DYNC2H1: variants seen among roughly 807,000 people sequenced by gnomAD.
The protein encoded by DYNC2H1 is cytoplasmic dynein 2 heavy chain 1.
In DYNC2H1, 410 loss-of-function variants were observed where a neutral mutation model predicts 570.0. The ratio of observed to expected loss-of-function variants is 0.72; its 90% CI spans 0.66 to 0.78. DYNC2H1 has a LOEUF of 0.78. Among genes scored for constraint, DYNC2H1 ranks in the 30% least tolerant of loss-of-function variants. The probability of loss-of-function intolerance (pLI) is 0.00; values close to 1 mark genes in which losing one functional copy is unlikely to be tolerated. For missense variants in DYNC2H1, 4,865 were observed against 5,046.4 expected (o/e 0.96, Z 1.09); for synonymous variants, 1,688 against 1,677.6 (o/e 1.01, Z -0.15).
intron 83 of DYNC2H1, among the ~76,000 whole-genome samples, chr11:103,384,074 TTTG>T (rs1808412547): frequency 6.6e-6 from 1 of 152,206 alleles, no homozygotes; most frequent in Admixed American, 6.5e-5. Flanking sequence ...GCAATAACAT[TTTG>T]TTATGTTTGA....
intron 85 of DYNC2H1, among the ~76,000 whole-genome samples, chr11:103,440,791 C>T (rs940568180): frequency 6.6e-6 from 1 of 152,112 alleles, no homozygotes; most frequent in Non-Finnish European, 1.5e-5. Context: ...TTACTTCTCT[C>T]CTCTCACACT....
Position 103,189,508 on chromosome 11 carries a change from T to C in DYNC2H1, c.7293-164T>C, listed in dbSNP as rs1358214280. Among the ~76,000 whole-genome samples, 1 of 152,156 alleles carries C rather than the reference T, an allele frequency of 6.6e-6. No individual in the cohort carries two copies. The highest frequency in any genetic ancestry group is 1.5e-5 in the Non-Finnish European group (1 of 68,010). On this transcript the variant is annotated intron_variant, in intron 44 of 88. Coordinates refer to ENST00000375735, the MANE Select transcript of DYNC2H1 (RefSeq NM_001377.3). The surrounding 1 kb of genome is among the most constrained non-coding windows in gnomAD (Gnocchi z 4.3). Reference sequence around the variant, plus strand: ...GGATCGAATTTGGTTGAAATGAGAATGGATCGGGGCGATGAGCCTAGTCTT... The same window carrying C: ...GGATCGAATTTGGTTGAAATGAGAACGGATCGGGGCGATGAGCCTAGTCTT...
Position 103,179,198 on chromosome 11 carries a change from A to T in DYNC2H1, c.6312A>T (p.Pro2104=). Residue 2104 remains proline (P), a synonymous_variant, in exon 39 of 89, where the codon CCA becomes CCT. Coordinates refer to ENST00000375735, the MANE Select transcript of DYNC2H1 (RefSeq NM_001377.3). ...CTCATGATTTAAGTTGTGCATCACCAGCCACAATATCTAGAATGGGAATGA... is the reference window on the plus strand; with the variant it reads ...CTCATGATTTAAGTTGTGCATCACCTGCCACAATATCTAGAATGGGAATGA... The part of the protein sequence containing the change: ...FETHDLSCAS[P]ATISRMGMIF... The T allele has an allele frequency of 6.2e-7, 1 of 1,613,064 alleles. No homozygotes were observed.
chr11:103,134,422 A>G lies in DYNC2H1; in HGVS notation c.2205+3A>G. ...GCTTAGCAACTGTAGAAGCACAGGT[A>G]GAGTATGTTTTATTTTGTGTGTATA... On this transcript the variant is annotated splice_donor_region_variant and intron_variant, in intron 15 of 88. Coordinates refer to ENST00000375735, the MANE Select transcript of DYNC2H1 (RefSeq NM_001377.3). 1 of 1,605,942 alleles carries G rather than the reference A, an allele frequency of 6.2e-7. No individual in the cohort carries two copies. The highest frequency in any genetic ancestry group is 1.3e-5 in the African/African-American group (1 of 74,844).
At chr11:103,457,362 G>C (rs1180626018) in intron 87 of DYNC2H1, among the ~76,000 whole-genome samples, 1 of 152,074 alleles carries the variant, frequency 6.6e-6, no homozygotes, top group African/African-American at 2.4e-5. Flanking sequence ...CAAGAAGAAG[G>C]CATTGTAACC....
At position 103,416,085 on chromosome 11, in the gene DYNC2H1, G is replaced by A. The variant is rs189116958; in HGVS notation, c.12366+16213G>A. Among the ~76,000 whole-genome samples the A allele has an allele frequency of 5.9e-5, 9 of 152,248 alleles. No homozygotes were observed. In the East Asian group the frequency reaches 1.7e-3, roughly 29 times the overall value. On this transcript the variant is annotated intron_variant, in intron 84 of 88. Transcript: ENST00000375735. ...AAACACCACATGTTCTCACTCATAG[G>A]TGGGAATTGAACATTGAAATCACCT...
At chr11:103,380,863 AG>A (rs1941614127) in intron 83 of DYNC2H1, among the ~76,000 whole-genome samples, 1 of 152,188 alleles carries the variant, frequency 6.6e-6, no homozygotes, top group South Asian at 2.1e-4. Context: ...TGCCTGGCCG[AG>A]GAATTCTTTA....
intron 54 of DYNC2H1, among the ~76,000 whole-genome samples, chr11:103,213,992 A>T (rs1210239417): frequency 6.6e-6 from 1 of 152,032 alleles, no homozygotes; most frequent in African/African-American, 2.4e-5. Flanking sequence ...ATTCATTTTG[A>T]GTTGATTTTT....
At chr11:103,215,622 C>T in intron 54 of DYNC2H1, 99 bp from the exon 55 acceptor site, 3 of 1,247,960 alleles carry the variant, frequency 2.4e-6, no homozygotes, top group Non-Finnish European at 2.1e-6. Flanking sequence ...TATATACACA[C>T]TTAACATGTT....
chr11:103,449,270 A>G (rs1358586872), intron 85 of DYNC2H1, among the ~76,000 whole-genome samples: 1 of 152,162 alleles, frequency 6.6e-6, no homozygotes, highest in Non-Finnish European at 1.5e-5. Flanking sequence ...TCAGGCAGGA[A>G]CAGACAATGC....
rs776071456 is a variant in DYNC2H1, at chr11:103,170,359, A to G, written c.5151+69A>G. 9.6e-6 allele frequency: 13 copies of G among 1,349,102 alleles called. No homozygotes were observed. The highest frequency in any genetic ancestry group is 1.3e-5 in the Non-Finnish European group (13 of 1,014,400). The allele number at this position is 1,349,102 out of a possible 1,614,324, so 83.6% of individuals were successfully genotyped here. On this transcript the variant is annotated intron_variant, in intron 33 of 88. Coordinates refer to ENST00000375735, the MANE Select transcript of DYNC2H1 (RefSeq NM_001377.3). The surrounding 1 kb of genome is among the most constrained non-coding windows in gnomAD (Gnocchi z 4.8). ...TATTTAGATTAGTTTCTATTAGTAT[A>G]TGAAATACTCTACTTAAAAATCACT...
At chr11:103,171,304 G>A (rs1392704380) in intron 34 of DYNC2H1, among the ~76,000 whole-genome samples, 1 of 151,802 alleles carries the variant, frequency 6.6e-6, no homozygotes, top group Non-Finnish European at 1.5e-5. Context: ...TGCCCAGGCT[G>A]GAGTGCAGTG....
In DYNC2H1 at chr11:103,123,016, T is replaced by C. The variant is rs187129481; in HGVS notation, c.1661+16T>C. ...CTGGTTTGTGGTAAGTATAGATATA[T>C]TAAACTGTAAAATCCAAAACCATAT... On this transcript the variant is annotated intron_variant, in intron 11 of 88. Coordinates refer to ENST00000375735, the MANE Select transcript of DYNC2H1 (RefSeq NM_001377.3). 6.5e-4 allele frequency: 874 copies of C among 1,349,588 alleles called. 11 individuals carry two copies. The Admixed American group carries it at 0.02, about 31-fold the overall frequency. 83.6% of individuals were successfully genotyped at this position (1,349,588 alleles called of 1,614,324 possible). A position where few individuals can be genotyped will look rare whatever the true frequency, so the allele number is the denominator to read the frequency against.
At chr11:103,335,108 T>C (rs998444759) in intron 82 of DYNC2H1, among the ~76,000 whole-genome samples, 4 of 152,050 alleles carry the variant, frequency 2.6e-5, no homozygotes, top group Non-Finnish European at 5.9e-5. Context: ...CAATGTCCCT[T>C]ATTTTGTCAT....
In DYNC2H1 at chr11:103,359,601, A is replaced by G. The variant is rs1302130199; in HGVS notation, c.12156+1242A>G. ...TAGATTATTTGCCTCCTGTGACCCA[A>G]CTCAAGATTAGAAACTCACTGTATT... On this transcript the variant is annotated intron_variant, in intron 83 of 88. Coordinates refer to ENST00000375735, the MANE Select transcript of DYNC2H1 (RefSeq NM_001377.3). 4.6e-5 allele frequency among the ~76,000 whole-genome samples: 7 copies of G among 151,170 alleles called. No individual in the cohort carries two copies. The East Asian group carries it at 7.8e-4, about 17-fold the overall frequency.
chr11:103,299,986 T>C lies in DYNC2H1; in HGVS notation c.11096-3107T>C, dbSNP rs1264131552. On this transcript the variant is annotated intron_variant, in intron 75 of 88. Transcript: ENST00000375735. This position sits in a 1 kb window ranked among gnomAD's most constrained non-coding sequence, Gnocchi z 4.5. ...TGGCTGTTGATTTTCCTCTTTTTAT[T>C]GATGTTTGTGGTACATTTTTACAAT... Among the ~76,000 whole-genome samples, 1 of 152,098 alleles carries C rather than the reference T, an allele frequency of 6.6e-6. No individual in the cohort carries two copies. Among genetic ancestry groups the C allele is most frequent in the African/African-American group, 2.4e-5 (1 of 41,450 alleles).
intron 87 of DYNC2H1, among the ~76,000 whole-genome samples, chr11:103,456,756 A>G (rs1041552713): frequency 3.3e-5 from 5 of 152,196 alleles, no homozygotes; most frequent in South Asian, 2.1e-4. Flanking sequence ...TTGATTGCCA[A>G]TGTGATACCA....
chr11:103,296,415 A>T (rs958804921), intron 75 of DYNC2H1, among the ~76,000 whole-genome samples: 2 of 152,202 alleles, frequency 1.3e-5, no homozygotes, highest in South Asian at 2.1e-4. Flanking sequence ...CCAAATTTGG[A>T]TAAACATGGT....
chr11:103,311,330 G>C (rs1867577808), intron 78 of DYNC2H1, among the ~76,000 whole-genome samples: 1 of 152,042 alleles, frequency 6.6e-6, no homozygotes, highest in African/African-American at 2.4e-5. Context: ...CATTTTTAAA[G>C]ATTTTATACT....
Sources: gnomAD v4.1 joint callset for allele counts (sites outside exome capture counted in the v4.1 genomes callset) on GRCh38, gnomAD v4.1.1 for gene constraint, Gnocchi (gnomAD v3.1) non-coding constraint, MANE v1.5 for transcripts, NCBI Gene and HGNC (gene_info 2026-07-23, HGNC 2026-07-21) for gene names.